Variants in OPCML observed in about 807,000 individuals in gnomAD.
OPCML encodes the protein opioid binding protein/cell adhesion molecule like.
OPCML carries 13 observed loss-of-function variants against 37.8 expected under a neutral mutation model. The ratio of observed to expected loss-of-function variants is 0.34; its 90% CI spans 0.22 to 0.55. The LOEUF is 0.55. OPCML is among the 20% of genes least tolerant of loss of function. The pLI is 0.91. For missense variants in OPCML, 341 were observed against 435.6 expected (o/e 0.78, Z 1.93); for synonymous variants, 176 against 168.8 (o/e 1.04, Z -0.33).
intron 1 of OPCML, among the ~76,000 whole-genome samples, chr11:133,140,850 C>CGAAGAAGACGAAGACGAA (rs1949783430): frequency 1.1e-4 from 8 of 70,280 alleles, no homozygotes; most frequent in Non-Finnish European, 1.7e-4. Context: ...ACGACGACGA[C>CGAAGAAGACGAAGACGAA]GACGAAGAAG....
chr11:132,607,562 A>G (rs924844909), intron 3 of OPCML, among the ~76,000 whole-genome samples: 1 of 152,172 alleles, frequency 6.6e-6, no homozygotes, highest in Non-Finnish European at 1.5e-5. Flanking sequence ...TTTGAATCAC[A>G]CAAAGAATAG....
At chr11:132,880,339 G>A (rs938705406) in intron 2 of OPCML, among the ~76,000 whole-genome samples, 1 of 152,134 alleles carries the variant, frequency 6.6e-6, no homozygotes, top group Non-Finnish European at 1.5e-5. Context: ...CACTCTGTCT[G>A]TGCCTATATC....
chr11:132,455,282 G>T (rs1196589070), intron 4 of OPCML, among the ~76,000 whole-genome samples: 1 of 152,154 alleles, frequency 6.6e-6, no homozygotes, highest in Non-Finnish European at 1.5e-5. Context: ...GATGCCAACT[G>T]GCTGCTTAGC....
At chr11:132,928,278 G>C (rs1945068322) in intron 2 of OPCML, among the ~76,000 whole-genome samples, 1 of 151,896 alleles carries the variant, frequency 6.6e-6, no homozygotes. Context: ...AAAGTGAAAG[G>C]TTGAAAAAGT....
chr11:133,201,914 G>T (rs761984919), intron 1 of OPCML, among the ~76,000 whole-genome samples: 47 of 152,218 alleles, frequency 3.1e-4, no homozygotes, highest in Non-Finnish European at 6.0e-4. Context: ...TCAATCAATG[G>T]TTTTTTATTG....
chr11:133,485,339 C>T (rs1947503783), intron 1 of OPCML, among the ~76,000 whole-genome samples: 1 of 152,042 alleles, frequency 6.6e-6, no homozygotes, highest in South Asian at 2.1e-4. Context: ...ATGCACAAAA[C>T]CTATATAAAT....
intron 4 of OPCML, among the ~76,000 whole-genome samples, chr11:132,527,156 G>A (rs536572764): frequency 1.9e-4 from 29 of 151,428 alleles, no homozygotes; most frequent in South Asian, 8.3e-4. Context: ...GTTATTCGTC[G>A]TTTACAGCTA....
chr11:132,546,394 C>T (rs991472009), intron 3 of OPCML, among the ~76,000 whole-genome samples: 4 of 152,158 alleles, frequency 2.6e-5, no homozygotes, highest in African/African-American at 4.8e-5. Flanking sequence ...AAGTAGTATA[C>T]ACTGCACCCA....
At chr11:132,826,700 C>G (rs945380343) in intron 2 of OPCML, among the ~76,000 whole-genome samples, 1 of 152,150 alleles carries the variant, frequency 6.6e-6, no homozygotes, top group Non-Finnish European at 1.5e-5. Context: ...TGCATTATGA[C>G]CACAAGATTT....
intron 1 of OPCML, among the ~76,000 whole-genome samples, chr11:133,382,436 G>T (rs951792350): frequency 4.6e-5 from 7 of 152,124 alleles, no homozygotes; most frequent in African/African-American, 9.7e-5. Flanking sequence ...TCTTCCTCTC[G>T]TTCCCCATCC....
Position 133,120,962 on chromosome 11 carries a change from G to A in OPCML, c.62-177952C>T, listed in dbSNP as rs143596266. On this transcript the variant is annotated intron_variant, in intron 1 of 7. Coordinates refer to ENST00000524381, the MANE Select transcript of OPCML (RefSeq NM_001012393.5). ...TTTTTAGACGGAATCTTGCTCTGTCGCCCAGGCTGGGGTACAGTGGTGTGA... is the reference window on the plus strand; with the variant it reads ...TTTTTAGACGGAATCTTGCTCTGTCACCCAGGCTGGGGTACAGTGGTGTGA... Among the ~76,000 whole-genome samples, 15 of 152,220 alleles carry A rather than the reference G, an allele frequency of 9.9e-5. No homozygotes were observed. In the South Asian group the frequency reaches 1.5e-3, roughly 15 times the overall value.
chr11:133,168,339 A>G (rs1023778305), intron 1 of OPCML, among the ~76,000 whole-genome samples: 2 of 152,182 alleles, frequency 1.3e-5, no homozygotes, highest in Non-Finnish European at 2.9e-5. Flanking sequence ...CTTGGGGGGA[A>G]GAGAGCAGGT....
intron 4 of OPCML, among the ~76,000 whole-genome samples, chr11:132,492,775 G>A (rs1205422145): frequency 1.4e-4 from 2 of 14,266 alleles, no homozygotes; most frequent in Non-Finnish European, 2.5e-4. Flanking sequence ...CATGAGGGCA[G>A]GGGACTTTGT....
chr11:133,529,850 G>C (rs1246454590), intron 1 of OPCML, among the ~76,000 whole-genome samples: 3 of 152,216 alleles, frequency 2.0e-5, no homozygotes, highest in African/African-American at 7.2e-5. Context: ...TCGCAAGTAA[G>C]CCATGGCAGC....
At chr11:133,053,317 G>C (rs971908078) in intron 1 of OPCML, among the ~76,000 whole-genome samples, 2 of 152,144 alleles carry the variant, frequency 1.3e-5, no homozygotes, top group Non-Finnish European at 2.9e-5. Flanking sequence ...TGATGATCAC[G>C]GTCATTATCA....
At chr11:132,756,953 C>G (rs2136084936) in intron 2 of OPCML, among the ~76,000 whole-genome samples, 1 of 152,210 alleles carries the variant, frequency 6.6e-6, no homozygotes, top group Admixed American at 6.5e-5. Context: ...CTGACAGGCC[C>G]TGATGTGTGA....
In OPCML at chr11:133,466,497, G is replaced by A. The variant is rs1205718180; in HGVS notation, c.61+65767C>T. On this transcript the variant is annotated intron_variant, in intron 1 of 7. Transcript: ENST00000524381. ...GGCCAGTGGAAGCACAGGTTCAGGA[G>A]GCCAGGAAACCAGTTTTGCTGAAGC... Among the ~76,000 whole-genome samples, 3 of 152,242 alleles carry A rather than the reference G, an allele frequency of 2.0e-5. No individual in the cohort carries two copies. The East Asian group carries it at 5.8e-4, about 29-fold the overall frequency.
At chr11:132,639,963 T>G (rs188899853) in intron 3 of OPCML, among the ~76,000 whole-genome samples, 8 of 152,344 alleles carry the variant, frequency 5.3e-5, no homozygotes, top group African/African-American at 1.9e-4. Flanking sequence ...GAGGCAAATG[T>G]GAGCATCTCC....
At chr11:133,006,031 C>T (rs925006822) in intron 1 of OPCML, 6 of 985,180 alleles carry the variant, frequency 6.1e-6, no homozygotes, top group Non-Finnish European at 7.2e-6. Flanking sequence ...GTGTGGCCTT[C>T]GTAGGGAGAG....
Sources: allele counts gnomAD v4.1 joint callset (sites outside exome capture counted in the v4.1 genomes callset), GRCh38; gene constraint gnomAD v4.1.1; transcripts MANE v1.5; gene names NCBI Gene and HGNC (gene_info 2026-07-23, HGNC 2026-07-21).